ATP2A1: variants seen among roughly 807,000 people sequenced by gnomAD.
The protein encoded by ATP2A1 is ATPase sarcoplasmic/endoplasmic reticulum Ca2+ transporting 1, also known as sarcoplasmic/endoplasmic reticulum calcium ATPase 1.
A neutral mutation model predicts 109.5 loss-of-function variants in ATP2A1; 83 were observed. The observed-to-expected ratio is 0.76, with a 90% CI of 0.63 to 0.91. The LOEUF (loss-of-function observed/expected upper bound fraction) is 0.91. Among genes scored for constraint, ATP2A1 ranks in the 40% least tolerant of loss-of-function variants. ATP2A1 has a pLI of 0.00. For missense variants in ATP2A1, 1,101 were observed against 1,341.0 expected, an observed-to-expected ratio of 0.82 and a Z score of 2.80; for synonymous variants, 505 against 537.6, an observed-to-expected ratio of 0.94 and a Z score of 0.84.
chr16:28,879,046 G>A (rs748814656), intron 1 of ATP2A1, 53 bp from the exon 2 acceptor site: 12 of 1,611,572 alleles, frequency 7.4e-6, no homozygotes, highest in Non-Finnish European at 1.0e-5. Context: ...GGTGTGGGGG[G>A]CATGAGGCTG....
chr16:28,892,830 A>G (rs1242687820), intron 9 of ATP2A1, among the ~76,000 whole-genome samples: 2 of 152,088 alleles, frequency 1.3e-5, no homozygotes, highest in African/African-American at 4.8e-5. Flanking sequence ...GGATCACCTG[A>G]GGTCAGGAGT....
At chr16:28,886,130 CG>C (rs1963608526) in intron 6 of ATP2A1, among the ~76,000 whole-genome samples, 1 of 152,022 alleles carries the variant, frequency 6.6e-6, no homozygotes, top group Non-Finnish European at 1.5e-5. Flanking sequence ...ATGATTACCA[CG>C]GCAGTCCAGC....
chr16:28,896,670 CA>C (rs1963925937), intron 12 of ATP2A1, among the ~76,000 whole-genome samples: 1 of 151,200 alleles, frequency 6.6e-6, no homozygotes, highest in African/African-American at 2.4e-5. Flanking sequence ...CTCGGCCTCC[CA>C]AAGTGCTGGG....
chr16:28,878,573 C>A lies in ATP2A1; in HGVS notation c.-99C>A. The A allele has an allele frequency of 9.7e-7, 1 of 1,035,248 alleles. No homozygotes were observed. The highest frequency in any genetic ancestry group is 1.4e-5 in the South Asian group (1 of 73,620). The allele number at this position is 1,035,248 out of a possible 1,614,324, so 64.1% of individuals were successfully genotyped here. On this transcript the variant is annotated 5_prime_UTR_variant, in exon 1 of 23. Transcript: ENST00000395503. ...GGGCAGGAGAGTAAAAAGAAGAAACCCAGGCAGACAGGCAGTTGGACACAC... is the reference window on the plus strand; with the variant it reads ...GGGCAGGAGAGTAAAAAGAAGAAACACAGGCAGACAGGCAGTTGGACACAC...
At chr16:28,892,657 A>C (rs1431818547) in intron 9 of ATP2A1, 2 of 154,102 alleles carry the variant, frequency 1.3e-5, no homozygotes, top group African/African-American at 4.8e-5. Flanking sequence ...CCCAGGATTC[A>C]GGGTAGGCCA....
intron 8 of ATP2A1, among the ~76,000 whole-genome samples, chr16:28,888,361 ATT>A (rs1963678767): frequency 6.6e-6 from 1 of 151,566 alleles, no homozygotes; most frequent in Non-Finnish European, 1.5e-5. Context: ...GTAAGGTAAC[ATT>A]TACAGGCTCC....
At chr16:28,900,433 C>T (rs1438729860) in intron 14 of ATP2A1, 148 bp from the exon 15 acceptor site, 5 of 755,210 alleles carry the variant, frequency 6.6e-6, no homozygotes, top group Non-Finnish European at 8.2e-6. Flanking sequence ...TGACACCAGG[C>T]CCTGAGGCGG....
In ATP2A1 at chr16:28,903,197, CGGCGGGCCCAT is replaced by C; in HGVS notation, c.2862+52_2862+62del. On this transcript the variant is annotated intron_variant, in intron 20 of 22. Coordinates refer to ENST00000395503, the MANE Select transcript of ATP2A1 (RefSeq NM_004320.6). This position sits in a 1 kb window ranked among gnomAD's most constrained non-coding sequence, Gnocchi z 5.6. The stretch of plus-strand genomic sequence containing the variant: ...GCCCACCCCAGCACTGGGGAGCCCA[CGGCGGGCCCAT>C]GACCACTCCCACCAGGGGCGCCGAT... The C allele has an allele frequency of 6.2e-7, 1 of 1,602,948 alleles. No homozygotes were observed. Among genetic ancestry groups the C allele is most frequent in the South Asian group, 1.1e-5 (1 of 90,850 alleles).
chr16:28,879,516 A>T lies in ATP2A1; in HGVS notation c.152A>T (p.Glu51Val), dbSNP rs745438439. ...CCTCCCCCAGGGAAGACCCTGTGGG[A>T]GCTGGTGATAGAGCAGTTTGAAGAC... The part of the protein sequence containing the change: ...LPAEEGKTLW[E>V]LVIEQFEDLL... The change falls in exon 3 of 23, where the codon GAG becomes GTG. Residue 51 changes from glutamate to valine, a missense_variant. Coordinates refer to ENST00000395503, the MANE Select transcript of ATP2A1 (RefSeq NM_004320.6). 4 of 1,613,986 alleles carry T rather than the reference A, an allele frequency of 2.5e-6. No individual in the cohort carries two copies. Among genetic ancestry groups the T allele is most frequent in the Middle Eastern group, 1.6e-4 (1 of 6,062 alleles).
chr16:28,894,551 G>C lies in ATP2A1; in HGVS notation c.1231G>C (p.Val411Leu), dbSNP rs1963864332. Residue 411 changes from valine to leucine, a missense_variant, in exon 11 of 23, where the codon GTG becomes CTG. Coordinates refer to ENST00000395503, the MANE Select transcript of ATP2A1 (RefSeq NM_004320.6). Reference sequence around the variant, plus strand: ...CCGGCCAGGGCAGTATGACGGGCTGGTGGAGCTGGCCACCATCTGTGCCCT... The same window carrying C: ...CCGGCCAGGGCAGTATGACGGGCTGCTGGAGCTGGCCACCATCTGTGCCCT... ...PVRPGQYDGLVELATICALCN... is the reference protein window; with the variant it reads ...PVRPGQYDGLLELATICALCN... The C allele has an allele frequency of 6.2e-7, 1 of 1,614,120 alleles. No individual in the cohort carries two copies. Among genetic ancestry groups the C allele is most frequent in the Non-Finnish European group, 8.5e-7 (1 of 1,180,034 alleles).
chr16:28,902,742 G>A lies in ATP2A1; in HGVS notation c.2611-36G>A. On this transcript the variant is annotated intron_variant, in intron 18 of 22. Transcript: ENST00000395503. The surrounding 1 kb of genome is among the most constrained non-coding windows in gnomAD (Gnocchi z 4.8). ...GGTACCAGGAGGGTGGCATGGAGGTGGCCCTGGACCTCAGTCTCCCGTACC... is the reference window on the plus strand; with the variant it reads ...GGTACCAGGAGGGTGGCATGGAGGTAGCCCTGGACCTCAGTCTCCCGTACC... The A allele has an allele frequency of 6.2e-7, 1 of 1,613,922 alleles. No homozygotes were observed. The highest frequency in any genetic ancestry group is 8.5e-7 in the Non-Finnish European group (1 of 1,179,920).
chr16:28,880,663 G>A lies in ATP2A1; in HGVS notation c.220-252G>A, dbSNP rs946331143. ...GCAGCTTGGTCAGGGAAACCTGAAA[G>A]CATTCCCAGCTAATCCCCCAAGTGG... On this transcript the variant is annotated intron_variant, in intron 3 of 22. Transcript: ENST00000395503. The surrounding 1 kb of genome is among the most constrained non-coding windows in gnomAD (Gnocchi z 4.2). 7.2e-5 allele frequency among the ~76,000 whole-genome samples: 11 copies of A among 152,358 alleles called. No individual in the cohort carries two copies. Among genetic ancestry groups the A allele is most frequent in the African/African-American group, 2.6e-4 (11 of 41,582 alleles).
intron 2 of ATP2A1, 189 bp from the exon 3 acceptor site, chr16:28,879,312 G>GAAC: frequency 1.2e-6 from 1 of 849,144 alleles, no homozygotes; most frequent in Non-Finnish European, 1.9e-6. Flanking sequence ...GCCAACCCTT[G>GAAC]AACTGCCCCC....
At chr16:28,887,381 G>T in intron 7 of ATP2A1, 44 bp from the exon 8 acceptor site, 1 of 1,613,380 alleles carries the variant, frequency 6.2e-7, no homozygotes, top group East Asian at 2.2e-5. Context: ...GCGGCATGAG[G>T]GTCACCTCTT....
Position 28,887,242 on chromosome 16 carries a change from G to A in ATP2A1, c.598G>A (p.Val200Ile). The A allele has an allele frequency of 6.2e-7, 1 of 1,614,000 alleles. No homozygotes were observed. The highest frequency in any genetic ancestry group is 8.5e-7 in the Non-Finnish European group (1 of 1,180,000). ...HTEPVPDPRA[V>I]NQDKKNMLFS... is the part of the protein sequence containing the mutation. ...GGAGCCCGTTCCTGACCCCCGAGCT[G>A]TCAACCAGGACAAGAAGAACATGCT... The change falls in exon 7 of 23, where the codon GTC becomes ATC. Residue 200 changes from valine to isoleucine, a missense_variant. Transcript: ENST00000395503.
chr16:28,900,463 T>TCCC, intron 14 of ATP2A1, 118 bp from the exon 15 acceptor site: 1 of 946,158 alleles, frequency 1.1e-6, no homozygotes, highest in Non-Finnish European at 1.5e-6. Flanking sequence ...GGTTCAGGCT[T>TCCC]CCCACCCCTC....
At position 28,903,191 on chromosome 16, in the gene ATP2A1, A is replaced by C. The variant is rs1438511131; in HGVS notation, c.2862+44A>C. Reference sequence around the variant, plus strand: ...AGGGCCGCCCACCCCAGCACTGGGGAGCCCACGGCGGGCCCATGACCACTC... The same window carrying C: ...AGGGCCGCCCACCCCAGCACTGGGGCGCCCACGGCGGGCCCATGACCACTC... On this transcript the variant is annotated intron_variant, in intron 20 of 22. Transcript: ENST00000395503. This position sits in a 1 kb window ranked among gnomAD's most constrained non-coding sequence, Gnocchi z 5.6. The C allele has an allele frequency of 6.2e-7, 1 of 1,604,364 alleles. No homozygotes were observed. The highest frequency in any genetic ancestry group is 8.5e-7 in the Non-Finnish European group (1 of 1,172,084).
At position 28,887,251 on chromosome 16, in the gene ATP2A1, G is replaced by C; in HGVS notation, c.607G>C (p.Asp203His). The change falls in exon 7 of 23, where the codon GAC (aspartate) becomes CAC (histidine). Residue 203 changes from aspartate to histidine, a missense_variant. By Grantham distance (81) the Asp-to-His change is moderately conservative. Transcript: ENST00000395503. Reference protein sequence around the residue: ...PVPDPRAVNQDKKNMLFSGTN... With the variant: ...PVPDPRAVNQHKKNMLFSGTN... ...TCCTGACCCCCGAGCTGTCAACCAGGACAAGAAGAACATGCTTTTCTCGGT... is the reference window on the plus strand; with the variant it reads ...TCCTGACCCCCGAGCTGTCAACCAGCACAAGAAGAACATGCTTTTCTCGGT... 6.2e-7 allele frequency: 1 copy of C among 1,614,014 alleles called. No individual in the cohort carries two copies. The highest frequency in any genetic ancestry group is 8.5e-7 in the Non-Finnish European group (1 of 1,179,994).
At position 28,902,781 on chromosome 16, in the gene ATP2A1, CACTT is replaced by C. The variant is rs1964119065; in HGVS notation, c.2615_2618del (p.His872ProfsTer14). 1 of 1,613,978 alleles carries C rather than the reference CACTT, an allele frequency of 6.2e-7. No homozygotes were observed. The highest frequency in any genetic ancestry group is 8.5e-7 in the Non-Finnish European group (1 of 1,179,950). ...GTCTCCCGTACCTTCCCTGCAGACT[CACTT>C]CATGCAGTGCACCGAGGACAACACC... On this transcript the variant is annotated frameshift_variant, in exon 19 of 23. Transcript: ENST00000395503. LOFTEE classifies it high-confidence loss of function. This position sits in a 1 kb window ranked among gnomAD's most constrained non-coding sequence, Gnocchi z 4.8.
Sources: allele counts gnomAD v4.1 joint callset (sites outside exome capture counted in the v4.1 genomes callset), GRCh38; gene constraint gnomAD v4.1.1; non-coding constraint Gnocchi (gnomAD v3.1); transcripts MANE v1.5; gene names NCBI Gene and HGNC (gene_info 2026-07-23, HGNC 2026-07-21).